The following CCDC38 variants were observed in gnomAD, a reference collection of about 807,000 sequenced individuals.
The protein encoded by CCDC38 is coiled-coil domain containing 38.
Under a neutral mutation model 72.8 loss-of-function variants are expected in CCDC38, and 69 were observed. That is an observed-to-expected ratio of 0.95 (90% CI 0.78 to 1.16). The LOEUF (loss-of-function observed/expected upper bound fraction) is 1.16. Among genes scored for constraint, CCDC38 ranks in the 50% most tolerant of loss-of-function variants. CCDC38 has a pLI of 0.00. For missense variants in CCDC38, 626 were observed against 638.9 expected (o/e 0.98, Z 0.22); for synonymous variants, 201 against 213.2 (o/e 0.94, Z 0.50).
At chr12:95,870,069 A>G (rs889305448) in intron 14 of CCDC38, among the ~76,000 whole-genome samples, 5 of 152,240 alleles carry the variant, frequency 3.3e-5, no homozygotes. Flanking sequence ...TGATCTGCCC[A>G]CCTTGACCTC....
At chr12:95,870,230 A>G (rs1444829370) in intron 14 of CCDC38, among the ~76,000 whole-genome samples, 1 of 152,218 alleles carries the variant, frequency 6.6e-6, no homozygotes, top group Non-Finnish European at 1.5e-5. Flanking sequence ...GAGCTGCCAC[A>G]AAAGTGTACC....
intron 2 of CCDC38, among the ~76,000 whole-genome samples, chr12:95,935,719 G>C (rs545089463): frequency 2.0e-4 from 31 of 152,282 alleles, no homozygotes; most frequent in African/African-American, 7.5e-4. Flanking sequence ...ATTTTTGTCA[G>C]ATTTGTAAGA....
At chr12:95,871,493 A>G (rs1006670047) in intron 14 of CCDC38, among the ~76,000 whole-genome samples, 2 of 152,146 alleles carry the variant, frequency 1.3e-5, no homozygotes, top group African/African-American at 4.8e-5. Flanking sequence ...AACTGTTTGT[A>G]CTTAAAAGTT....
chr12:95,867,532 G>C (rs2079534305), intron 15 of CCDC38, among the ~76,000 whole-genome samples: 1 of 152,174 alleles, frequency 6.6e-6, no homozygotes, highest in Non-Finnish European at 1.5e-5. Flanking sequence ...CTCAGTAAGT[G>C]CCATAGCCAG....
Position 95,916,173 on chromosome 12 carries a change from C to T in CCDC38, c.304+956G>A, listed in dbSNP as rs555665514. Among the ~76,000 whole-genome samples, 29 of 152,290 alleles carry T rather than the reference C, an allele frequency of 1.9e-4. 1 individual carries two copies. The South Asian group carries it at 5.8e-3, about 31-fold the overall frequency. On this transcript the variant is annotated intron_variant, in intron 4 of 15. Transcript: ENST00000344280. The stretch of plus-strand genomic sequence containing the variant: ...TACAGTCCCTGGCATCACCTTGCTG[C>T]CTATCATTTGCTGCTTTTACATACA...
At chr12:95,919,415 C>T (rs548277994) in intron 2 of CCDC38, 4 of 417,414 alleles carry the variant, frequency 9.6e-6, no homozygotes, top group South Asian at 5.2e-5. Flanking sequence ...CATACTTCTA[C>T]GTTAGGGTTT....
chr12:95,928,210 C>T (rs2080294728), intron 2 of CCDC38, among the ~76,000 whole-genome samples: 6 of 151,970 alleles, frequency 3.9e-5, no homozygotes, highest in Admixed American at 3.9e-4. Context: ...TCACATAGTC[C>T]CATATTTCTT....
At chr12:95,919,985 A>G (rs1391728223) in intron 2 of CCDC38, among the ~76,000 whole-genome samples, 2 of 152,320 alleles carry the variant, frequency 1.3e-5, no homozygotes, top group African/African-American at 4.8e-5. Flanking sequence ...TACTGCTAGG[A>G]TATACCAAAG....
intron 2 of CCDC38, among the ~76,000 whole-genome samples, chr12:95,920,721 T>A (rs2080195716): frequency 6.6e-6 from 1 of 152,080 alleles, no homozygotes; most frequent in Non-Finnish European, 1.5e-5. Context: ...TAGGGGTTGA[T>A]GGCTGAGGGG....
chr12:95,872,377 G>T lies in CCDC38; in HGVS notation c.1362C>A (p.Asn454Lys), dbSNP rs549394904. 32 of 1,614,072 alleles carry T rather than the reference G, an allele frequency of 2.0e-5. No individual in the cohort carries two copies. The South Asian group carries it at 3.4e-4, about 17-fold the overall frequency. The stretch of plus-strand genomic sequence containing the variant: ...CTACTTTTACCAGCTTTTGAATTGG[G>T]TTGAGGCCGTCATCCTCAGCATCTC... ...CIGDAEDDGL[N>K]PIQKLVKVES... Residue 454 changes from asparagine (N) to lysine (K), a missense_variant, in exon 14 of 16, where the codon AAC becomes AAA. Transcript: ENST00000344280.
intron 3 of CCDC38, among the ~76,000 whole-genome samples, chr12:95,917,643 C>T (rs1366767623): frequency 3.9e-5 from 6 of 152,002 alleles, no homozygotes; most frequent in Admixed American, 1.3e-4. Context: ...GAGTCCAAGG[C>T]GGGCAGATCA....
chr12:95,880,216 T>G (rs2079684387), intron 11 of CCDC38, among the ~76,000 whole-genome samples: 1 of 152,230 alleles, frequency 6.6e-6, no homozygotes, highest in South Asian at 2.1e-4. Flanking sequence ...TTAAACATTT[T>G]TTTAAAAAAT....
At chr12:95,930,339 C>T (rs1443949430) in intron 2 of CCDC38, among the ~76,000 whole-genome samples, 2 of 151,992 alleles carry the variant, frequency 1.3e-5, no homozygotes, top group Non-Finnish European at 2.9e-5. Context: ...AGTTCAAAAT[C>T]AAGATGTTAG....
At chr12:95,881,256 A>AAT (rs1015858798) in intron 11 of CCDC38, among the ~76,000 whole-genome samples, 1 of 149,190 alleles carries the variant, frequency 6.7e-6, no homozygotes, top group South Asian at 2.1e-4. Context: ...ATATATATAA[A>AAT]ATATATATAT....
intron 11 of CCDC38, among the ~76,000 whole-genome samples, chr12:95,880,378 G>C (rs185543123): frequency 6.6e-6 from 1 of 152,232 alleles, no homozygotes; most frequent in African/African-American, 2.4e-5. Flanking sequence ...GAAATTGACC[G>C]GGTGCGGTGG....
In CCDC38 at chr12:95,913,115, C is replaced by T. The variant is rs991887815; in HGVS notation, c.304+4014G>A. ...AATGCAAATAGAAATAGAAAGGAAACAATATTTCCAAGTAACCTGTGAGCC... is the reference window on the plus strand; with the variant it reads ...AATGCAAATAGAAATAGAAAGGAAATAATATTTCCAAGTAACCTGTGAGCC... On this transcript the variant is annotated intron_variant, in intron 4 of 15. Transcript: ENST00000344280. Among the ~76,000 whole-genome samples the T allele has an allele frequency of 9.9e-5, 15 of 151,970 alleles. 1 individual carries two copies. Among genetic ancestry groups the T allele is most frequent in the Non-Finnish European group, 5.9e-5 (4 of 67,982 alleles).
At chr12:95,908,468 A>C (rs1467746276) in intron 4 of CCDC38, among the ~76,000 whole-genome samples, 1 of 850 alleles carries the variant, frequency 1.2e-3, no homozygotes, top group African/African-American at 0.05. Context: ...AGGGAGAGGG[A>C]GAGGGAGAGG....
At chr12:95,898,934 G>C (rs1279983146) in intron 5 of CCDC38, among the ~76,000 whole-genome samples, 1 of 152,196 alleles carries the variant, frequency 6.6e-6, no homozygotes, top group African/African-American at 2.4e-5. Context: ...CTTCTATGAA[G>C]AGGGTCAGTG....
intron 2 of CCDC38, among the ~76,000 whole-genome samples, chr12:95,930,528 CTCTTA>C (rs965789537): frequency 1.3e-5 from 2 of 152,226 alleles, no homozygotes; most frequent in East Asian, 1.9e-4. Context: ...CCTTTCTGTT[CTCTTA>C]TAAGGACACT....
Sources: allele counts gnomAD v4.1 joint callset (sites outside exome capture counted in the v4.1 genomes callset), GRCh38; gene constraint gnomAD v4.1.1; transcripts MANE v1.5; gene names NCBI Gene and HGNC (gene_info 2026-07-23, HGNC 2026-07-21).